The following TSPEAR variants were observed in gnomAD, a reference collection of about 807,000 sequenced individuals.
TSPEAR encodes the protein thrombospondin-type laminin G domain and EAR repeat-containing protein.
Under a neutral mutation model 71.6 loss-of-function variants are expected in TSPEAR, and 69 were observed. The observed-to-expected ratio is 0.96, with a 90% CI of 0.79 to 1.18. The LOEUF is 1.18. TSPEAR is among the 50% of genes most tolerant of loss of function. The pLI, the probability that TSPEAR is intolerant of heterozygous loss-of-function variation, is 0.00. For missense variants in TSPEAR, 971 were observed against 894.9 expected, an observed-to-expected ratio of 1.09 and a Z score of -1.09; for synonymous variants, 402 against 387.2, an observed-to-expected ratio of 1.04 and a Z score of -0.45.
chr21:44,676,922 G>T (rs782514273), intron 1 of TSPEAR: 1 of 876,730 alleles, frequency 1.1e-6, no homozygotes. Context: ...CGATGTGCAC[G>T]GGCAATCAGG....
intron 1 of TSPEAR, among the ~76,000 whole-genome samples, chr21:44,615,633 G>T (rs1169945089): frequency 1.1e-4 from 17 of 149,454 alleles, no homozygotes; most frequent in African/African-American, 3.9e-4. Flanking sequence ...CACCTCCCCC[G>T]GGTCTCTCTG....
chr21:44,590,643 T>C (rs1601454547), intron 1 of TSPEAR, among the ~76,000 whole-genome samples: 1 of 152,218 alleles, frequency 6.6e-6, no homozygotes, highest in Non-Finnish European at 1.5e-5. Flanking sequence ...GGCACTGTGG[T>C]CCATAGCTGG....
intron 2 of TSPEAR, among the ~76,000 whole-genome samples, chr21:44,565,856 A>T (rs1408569832): frequency 6.6e-6 from 1 of 152,230 alleles, no homozygotes; most frequent in African/African-American, 2.4e-5. Flanking sequence ...AATCCTAAGA[A>T]ATTCACTAAA....
chr21:44,512,312 AGGAGAGAGGTGAGCCAAGT>A (rs1555912816), intron 9 of TSPEAR, among the ~76,000 whole-genome samples: 1 of 125,322 alleles, frequency 8.0e-6, no homozygotes, highest in East Asian at 2.7e-4. Context: ...GGAAGGTGTC[AGGAGAGAGGTGAGCCAAGT>A]GCTGTGGGGG....
At chr21:44,627,734 G>A in intron 1 of TSPEAR, 3 of 1,595,374 alleles carry the variant, frequency 1.9e-6, no homozygotes, top group South Asian at 2.2e-5. Context: ...CCTGTCTGCT[G>A]TAAGCCTGTC....
intron 1 of TSPEAR, among the ~76,000 whole-genome samples, chr21:44,679,787 A>G (rs587719680): frequency 1.6e-3 from 246 of 152,330 alleles, no homozygotes; most frequent in South Asian, 4.8e-3. Context: ...TACAATAGAG[A>G]AAGGACACCC....
At chr21:44,539,795 G>C (rs781952477) in intron 2 of TSPEAR, 22 of 1,612,808 alleles carry the variant, frequency 1.4e-5, no homozygotes, top group Non-Finnish European at 1.9e-5. Flanking sequence ...GCAGCATGAA[G>C]AGGAATCCTT....
chr21:44,546,071 A>G lies in TSPEAR; in HGVS notation c.304-12148T>C, dbSNP rs587594808. 4.1e-4 allele frequency among the ~76,000 whole-genome samples: 62 copies of G among 152,356 alleles called. No individual in the cohort carries two copies. Among genetic ancestry groups the G allele is most frequent in the African/African-American group, 1.4e-3 (59 of 41,590 alleles). On this transcript the variant is annotated intron_variant, in intron 2 of 11. Transcript: ENST00000323084. The surrounding 1 kb of genome is among the most constrained non-coding windows in gnomAD (Gnocchi z 4.4). ...AAAGATGACAGATTCAAATAATTAA[A>G]ATCGTAAATGAAAATGGGAATATCA...
At chr21:44,640,139 C>T (rs1296272543) in intron 1 of TSPEAR, among the ~76,000 whole-genome samples, 1 of 152,196 alleles carries the variant, frequency 6.6e-6, no homozygotes, top group Admixed American at 6.5e-5. Flanking sequence ...GCCCAAATGT[C>T]CATCAGAGGA....
intron 2 of TSPEAR, among the ~76,000 whole-genome samples, chr21:44,549,269 AAAG>A (rs1480555264): frequency 6.6e-6 from 1 of 152,158 alleles, no homozygotes; most frequent in African/African-American, 2.4e-5. Context: ...AAGCAGAAGG[AAAG>A]AAGAAGAAAG....
In TSPEAR at chr21:44,593,585, C is replaced by T. The variant is rs587734976; in HGVS notation, c.83-25580G>A. On this transcript the variant is annotated intron_variant, in intron 1 of 11. Transcript: ENST00000323084. The surrounding 1 kb of genome is among the most constrained non-coding windows in gnomAD (Gnocchi z 5.9). ...GGCCATGACAGGAAGGGAGGTCAGA[C>T]ACGCCTCGTTACACCCCCTCCCTTT... is the stretch of plus-strand genomic sequence containing the variant. Among the ~76,000 whole-genome samples, 4 of 152,324 alleles carry T rather than the reference C, an allele frequency of 2.6e-5. No homozygotes were observed. The highest frequency in any genetic ancestry group is 1.9e-4 in the East Asian group (1 of 5,174).
chr21:44,530,158 C>T (rs1440090041), intron 4 of TSPEAR, among the ~76,000 whole-genome samples: 1 of 151,676 alleles, frequency 6.6e-6, no homozygotes, highest in South Asian at 2.1e-4. Flanking sequence ...GCCCCCCTTC[C>T]GAGGGAACTG....
chr21:44,698,723 C>T (rs1008286890), intron 1 of TSPEAR, among the ~76,000 whole-genome samples: 1 of 152,226 alleles, frequency 6.6e-6, no homozygotes, highest in African/African-American at 2.4e-5. Flanking sequence ...CCGGGACAAG[C>T]GTCCAGGCTC....
chr21:44,502,796 G>A (rs1555911224), intron 11 of TSPEAR, among the ~76,000 whole-genome samples: 1 of 152,270 alleles, frequency 6.6e-6, no homozygotes, highest in Admixed American at 6.5e-5. Context: ...GCGAGAGAAG[G>A]TGAGCCCCCG....
chr21:44,693,369 A>C (rs1364247155), intron 1 of TSPEAR, among the ~76,000 whole-genome samples: 1 of 152,164 alleles, frequency 6.6e-6, no homozygotes, highest in Non-Finnish European at 1.5e-5. Flanking sequence ...CTTCATCAAA[A>C]TTTAAAACTT....
intron 2 of TSPEAR, among the ~76,000 whole-genome samples, chr21:44,545,195 G>A (rs1286910832): frequency 6.6e-6 from 1 of 152,056 alleles, no homozygotes; most frequent in Non-Finnish European, 1.5e-5. Flanking sequence ...GCAGCCGCCT[G>A]TAGTCCCAGC....
At chr21:44,591,569 G>A (rs1555926554) in intron 1 of TSPEAR, 2 of 1,613,286 alleles carry the variant, frequency 1.2e-6, no homozygotes, top group African/African-American at 1.3e-5. Context: ...TGGCAGAGGA[G>A]GGACACGGAG....
chr21:44,529,810 T>A lies in TSPEAR; in HGVS notation c.778A>T (p.Lys260Ter). 6.2e-7 allele frequency: 1 copy of A among 1,613,868 alleles called. No individual in the cohort carries two copies. ...CCCCCCTACTAACCATAGGGATATTTTAGCACCTCGTTATCTTCTGGCTTC... is the reference window on the plus strand; with the variant it reads ...CCCCCCTACTAACCATAGGGATATTATAGCACCTCGTTATCTTCTGGCTTC... Reference protein sequence around the residue: ...TGKPEDNEVLKYPYETNIRVT... With the variant: ...TGKPEDNEVL The change falls in exon 5 of 12, where the codon AAA (lysine) becomes TAA (stop). Residue 260 changes from lysine (K) to a stop codon, truncating the protein, a stop_gained. Coordinates refer to ENST00000323084, the MANE Select transcript of TSPEAR (RefSeq NM_144991.3). LOFTEE classifies it high-confidence loss of function.
intron 1 of TSPEAR, among the ~76,000 whole-genome samples, chr21:44,568,944 G>A (rs1237257519): frequency 2.6e-5 from 4 of 152,156 alleles, no homozygotes; most frequent in Admixed American, 2.0e-4. Flanking sequence ...GGCCGGCATT[G>A]TGTAGGGAAT....
Sources: gnomAD v4.1 joint callset for allele counts (sites outside exome capture counted in the v4.1 genomes callset) on GRCh38, gnomAD v4.1.1 for gene constraint, Gnocchi (gnomAD v3.1) non-coding constraint, MANE v1.5 for transcripts, NCBI Gene and HGNC (gene_info 2026-07-23, HGNC 2026-07-21) for gene names.